Variants in ZNF799 observed in about 807,000 individuals in gnomAD.
ZNF799 encodes the protein zinc finger protein 14.
A neutral mutation model predicts 41.0 loss-of-function variants in ZNF799; 28 were observed. That is an observed-to-expected ratio of 0.68 (90% CI 0.51 to 0.94). ZNF799 has a LOEUF of 0.94. ZNF799 is among the 40% of genes least tolerant of loss of function. The pLI is 0.00. For synonymous variants in ZNF799, 213 were observed against 252.9 expected (o/e 0.84, Z 1.50); for missense variants, 716 against 764.3 (o/e 0.94, Z 0.74).
chr19:12,400,658 GC>G (rs1969965070), intron 1 of ZNF799: 1 of 328,860 alleles, frequency 3.0e-6, no homozygotes, highest in Non-Finnish European at 5.6e-6. Context: ...ACACCCAGCC[GC>G]CCCCGTCCAG....
rs1292853388 is a variant in ZNF799 at position 12,394,906 on chromosome 19, A to AAT, written c.4-1485_4-1484dup. 9.2e-6 allele frequency: 9 copies of AAT among 976,542 alleles called. No individual in the cohort carries two copies. The East Asian group carries it at 3.4e-4, about 37-fold the overall frequency. The allele number at this position is 976,542 out of a possible 1,614,324, so 60.5% of individuals were successfully genotyped here. ...ACCCCGTACTATTAACAGAGAGATA[A>AAT]ATATATATATAAAGAAAAATGAAAA... On this transcript the variant is annotated intron_variant, in intron 1 of 3. Transcript: ENST00000430385.
At chr19:12,399,563 C>G (rs563290930) in intron 1 of ZNF799, among the ~76,000 whole-genome samples, 1 of 148,948 alleles carries the variant, frequency 6.7e-6, no homozygotes, top group East Asian at 1.9e-4. Flanking sequence ...CACCCCCCAT[C>G]TCAGGCTGTC....
At position 12,395,431 on chromosome 19, in the gene ZNF799, A is replaced by C. The variant is rs1419510815; in HGVS notation, c.4-2008T>G. Among the ~76,000 whole-genome samples the C allele has an allele frequency of 7.9e-5, 12 of 151,628 alleles. No individual in the cohort carries two copies. The South Asian group carries it at 8.3e-4, about 11-fold the overall frequency. On this transcript the variant is annotated intron_variant, in intron 1 of 3. Coordinates refer to ENST00000430385, the MANE Select transcript of ZNF799 (RefSeq NM_001080821.3). ...TGCTAGGATTACAGGTGTGAGCCAC[A>C]GTGCCCAGCCAAGGCCCTCTCTTCT...
At chr19:12,412,115 C>A in the ZNF799 span, among the ~76,000 whole-genome samples, 1 of 152,224 alleles carries the variant, frequency 6.6e-6, no homozygotes, top group African/African-American at 2.4e-5. Flanking sequence ...CCACAGCCCA[C>A]ATGGACTGCA....
the ZNF799 span, among the ~76,000 whole-genome samples, chr19:12,408,124 A>G: frequency 6.6e-6 from 1 of 152,190 alleles, no homozygotes; most frequent in Admixed American, 6.5e-5. Context: ...ACTGCACTCC[A>G]GCATGTATGA....
chr19:12,408,749 G>T, the ZNF799 span, among the ~76,000 whole-genome samples: 1 of 152,156 alleles, frequency 6.6e-6, no homozygotes, highest in Non-Finnish European at 1.5e-5. Context: ...AAATGCATAA[G>T]GTGGCTGGGT....
rs750039130 is a variant in ZNF799, at chr19:12,391,066, A to C, written c.1332T>G (p.Thr444=). 2 of 1,614,208 alleles carry C rather than the reference A, an allele frequency of 1.2e-6. No homozygotes were observed. The highest frequency in any genetic ancestry group is 1.7e-6 in the Non-Finnish European group (2 of 1,180,024). Residue 444 remains threonine, a synonymous_variant, in exon 4 of 4, where the codon ACT becomes ACG. Transcript: ENST00000430385. ...ATTTGCATTTATAGGGTTTCTCTCC[A>C]GTATGAGTTGTTTCATGCCTTCGAA... The part of the protein sequence containing the change: ...SSLRRHETTH[T]GEKPYKCKCG...
At chr19:12,407,281 TG>T in the ZNF799 span, among the ~76,000 whole-genome samples, 2 of 151,914 alleles carry the variant, frequency 1.3e-5, no homozygotes, top group African/African-American at 4.8e-5. Flanking sequence ...CTGGGCAACA[TG>T]GTGAAACTCC....
chr19:12,390,995 G>A lies in ZNF799; in HGVS notation c.1403C>T (p.Thr468Ile), dbSNP rs1969803391. ...ATATGGCTTCTCTCCAGCATGAGTTGTTTTGTGATTTTGAAAGGAATAGAA... is the reference window on the plus strand; with the variant it reads ...ATATGGCTTCTCTCCAGCATGAGTTATTTTGTGATTTTGAAAGGAATAGAA... ...IDFYSFQNHKTTHAGEKPYEC... is the reference protein window; with the variant it reads ...IDFYSFQNHKITHAGEKPYEC... Residue 468 changes from threonine to isoleucine, a missense_variant, in exon 4 of 4, where the codon ACA becomes ATA. This residue lies in a region of ZNF799 where 698 missense variants were observed against 713.6 expected (regional missense o/e 0.98). Transcript: ENST00000430385. 1 of 1,613,916 alleles carries A rather than the reference G, an allele frequency of 6.2e-7. No homozygotes were observed. Among genetic ancestry groups the A allele is most frequent in the Admixed American group, 1.7e-5 (1 of 59,990 alleles).
upstream of ZNF799, among the ~76,000 whole-genome samples, chr19:12,404,307 T>C (rs1257189171): frequency 6.6e-6 from 1 of 152,094 alleles, no homozygotes; most frequent in African/African-American, 2.4e-5. Flanking sequence ...ATCTTTCTTT[T>C]GTCTGATTTT....
intron 1 of ZNF799, chr19:12,394,854 A>G: frequency 1.0e-6 from 1 of 985,350 alleles, no homozygotes; most frequent in Non-Finnish European, 1.2e-6. Flanking sequence ...GCAGCATTCC[A>G]AAAACAAATA....
At chr19:12,408,430 T>C in the ZNF799 span, among the ~76,000 whole-genome samples, 7 of 152,234 alleles carry the variant, frequency 4.6e-5, no homozygotes, top group East Asian at 7.7e-4. Flanking sequence ...CATTTAAACA[T>C]GTATTATCTA....
Position 12,391,920 on chromosome 19 carries a change from CAT to C in ZNF799, c.476_477del (p.His159ArgfsTer11). The C allele has an allele frequency of 1.2e-6, 2 of 1,614,202 alleles. No homozygotes were observed. The highest frequency in any genetic ancestry group is 2.2e-5 in the South Asian group (2 of 91,084). ...GGTTTCTTTCCAGTGTGAAGCCTCTCATGTGTTTGAAGTGAGTTGTGGTAACT... is the reference window on the plus strand; with the variant it reads ...GGTTTCTTTCCAGTGTGAAGCCTCTCGTGTTTGAAGTGAGTTGTGGTAACT... ...AFSYHNSLQT[H>X]ERLHTGKKPY... is the part of the protein sequence containing the mutation. On this transcript the variant is annotated frameshift_variant, in exon 4 of 4. Coordinates refer to ENST00000430385, the MANE Select transcript of ZNF799 (RefSeq NM_001080821.3). LOFTEE classifies it low-confidence loss of function (END_TRUNC).
chr19:12,410,254 C>CATATATATATATATATATATATAT, the ZNF799 span, among the ~76,000 whole-genome samples: 1 of 62,038 alleles, frequency 1.6e-5, no homozygotes, highest in Non-Finnish European at 3.2e-5. Flanking sequence ...TGTCTGTGTG[C>CATATATATATATATATATATATAT]ATATATATAT....
In ZNF799 at chr19:12,392,610, T is replaced by A. The variant is rs746474344; in HGVS notation, c.184A>T (p.Asn62Tyr). 8 of 1,593,918 alleles carry A rather than the reference T, an allele frequency of 5.0e-6. No homozygotes were observed. The Admixed American group carries it at 1.2e-4, about 23-fold the overall frequency. Residue 62 changes from asparagine to tyrosine, a missense_variant, in exon 3 of 4, where the codon AAT becomes TAT. Physicochemically the swap from Asn to Tyr is moderately radical, Grantham distance 143. Coordinates refer to ENST00000430385, the MANE Select transcript of ZNF799 (RefSeq NM_001080821.3). The part of the protein sequence containing the change: ...IEDQYRYPRK[N>Y]LRCRMLERFV... ...CTTGTGAGTATAAATTACCTTAGAT[T>A]TTTCCTGGGATATCTATATTGATCT...
At chr19:12,394,843 T>C (rs1969872133) in intron 1 of ZNF799, 2 of 984,828 alleles carry the variant, frequency 2.0e-6, no homozygotes, top group African/African-American at 3.5e-5. Context: ...ACCAAGAAAG[T>C]GCAGCATTCC....
Position 12,400,951 on chromosome 19 carries a change from C to T in ZNF799, c.3+117G>A, listed in dbSNP as rs1051783187. 1.7e-5 allele frequency: 27 copies of T among 1,588,028 alleles called. No homozygotes were observed. In the African/African-American group the frequency reaches 3.5e-4, roughly 21 times the overall value. On this transcript the variant is annotated intron_variant, in intron 1 of 3. Transcript: ENST00000430385. ...CGAGGGCCGACCTACGCCAGGGGAACCCGGGTCCGTAGATCCCGGAGTAGC... is the reference window on the plus strand; with the variant it reads ...CGAGGGCCGACCTACGCCAGGGGAATCCGGGTCCGTAGATCCCGGAGTAGC...
chr19:12,394,867 G>T, intron 1 of ZNF799: 3 of 984,802 alleles, frequency 3.0e-6, no homozygotes, highest in South Asian at 4.7e-5. Context: ...AACAAATAAA[G>T]GATTTTATTT....
At chr19:12,396,551 A>G (rs995953027) in intron 1 of ZNF799, among the ~76,000 whole-genome samples, 2 of 152,220 alleles carry the variant, frequency 1.3e-5, no homozygotes, top group African/African-American at 4.8e-5. Context: ...TGGGAGGCTG[A>G]GGCAGAAGAA....
Sources: allele counts gnomAD v4.1 joint callset (sites outside exome capture counted in the v4.1 genomes callset), GRCh38; gene constraint gnomAD v4.1.1; regional missense constraint gnomAD v4.1.1; transcripts MANE v1.5; gene names NCBI Gene and HGNC (gene_info 2026-07-23, HGNC 2026-07-21).